The following GPHN variants were observed in gnomAD, a reference collection of about 807,000 sequenced individuals.
The protein encoded by GPHN is gephyrin.
A neutral mutation model predicts 95.5 loss-of-function variants in GPHN; 17 were observed. The ratio of observed to expected loss-of-function variants is 0.18; its 90% confidence interval spans 0.12 to 0.27. The LOEUF (loss-of-function observed/expected upper bound fraction) is 0.27, where lower values mean the gene tolerates loss of function less well. GPHN is among the 10% of genes least tolerant of loss of function. The pLI is 1.00. For synonymous variants in GPHN, 320 were observed against 322.5 expected, an observed-to-expected ratio of 0.99 and a Z score of 0.08; for missense variants, 660 against 978.1, an observed-to-expected ratio of 0.67 and a Z score of 4.34.
At chr14:67,050,841 AGT>A (rs2075273893) in intron 10 of GPHN, among the ~76,000 whole-genome samples, 1 of 146,628 alleles carries the variant, frequency 6.8e-6, no homozygotes, top group African/African-American at 2.5e-5. Flanking sequence ...GGAAAAGCAG[AGT>A]GGAGTGACAG....
At chr14:66,871,668 A>G (rs1467299120) in intron 4 of GPHN, among the ~76,000 whole-genome samples, 3 of 152,148 alleles carry the variant, frequency 2.0e-5, no homozygotes, top group Admixed American at 2.0e-4. Flanking sequence ...GCAAACTAAC[A>G]CAGGAACAGA....
At chr14:66,513,751 C>T (rs1026228339) in intron 1 of GPHN, among the ~76,000 whole-genome samples, 4 of 151,810 alleles carry the variant, frequency 2.6e-5, no homozygotes, top group African/African-American at 7.2e-5. Context: ...TTTGAGTGAC[C>T]TCTCAAAAAG....
At chr14:67,352,420 T>C in the GPHN span, among the ~76,000 whole-genome samples, 1 of 148,786 alleles carries the variant, frequency 6.7e-6, no homozygotes, top group Non-Finnish European at 1.5e-5. Flanking sequence ...GAGTAAGACC[T>C]TGCCTCAAAA....
intron 2 of GPHN, among the ~76,000 whole-genome samples, chr14:66,724,872 A>G (rs1284196554): frequency 2.0e-5 from 3 of 152,174 alleles, no homozygotes; most frequent in African/African-American, 7.2e-5. Context: ...GAACGTAGAG[A>G]AAAAGCTGGG....
chr14:67,408,555 A>G, the GPHN span, among the ~76,000 whole-genome samples: 1 of 152,126 alleles, frequency 6.6e-6, no homozygotes, highest in Non-Finnish European at 1.5e-5. Flanking sequence ...GTGTCCTTAT[A>G]GGAAGAGGAA....
At chr14:66,856,601 A>G (rs1193464913) in intron 4 of GPHN, among the ~76,000 whole-genome samples, 1 of 152,084 alleles carries the variant, frequency 6.6e-6, no homozygotes, top group Non-Finnish European at 1.5e-5. Context: ...GGATGAAGAA[A>G]ACATCTGAAC....
the GPHN span, among the ~76,000 whole-genome samples, chr14:67,299,620 A>G: frequency 5.9e-5 from 9 of 152,344 alleles, no homozygotes; most frequent in East Asian, 1.7e-3. Flanking sequence ...GCAGTAGAAT[A>G]AAAGAATAGC....
intron 8 of GPHN, among the ~76,000 whole-genome samples, chr14:66,944,201 A>T (rs1434184309): frequency 6.6e-6 from 1 of 152,258 alleles, no homozygotes; most frequent in Non-Finnish European, 1.5e-5. Flanking sequence ...CCAAGTGGCC[A>T]ATATTTCTGG....
chr14:67,387,605 A>G, the GPHN span: 1 of 808,288 alleles, frequency 1.2e-6, no homozygotes. Flanking sequence ...GAATCCTATC[A>G]GATGAGGTCC....
the GPHN span, among the ~76,000 whole-genome samples, chr14:67,568,126 A>T: frequency 6.6e-6 from 1 of 152,170 alleles, no homozygotes; most frequent in East Asian, 1.9e-4. Context: ...CAGGGGAAAA[A>T]ACGTGCCCTA....
chr14:67,057,567 G>C (rs995540065), intron 10 of GPHN, among the ~76,000 whole-genome samples: 2 of 152,118 alleles, frequency 1.3e-5, no homozygotes, highest in African/African-American at 2.4e-5. Context: ...TGCACATCCT[G>C]CACATGTATC....
At chr14:67,095,966 C>CA in intron 12 of GPHN, among the ~76,000 whole-genome samples, 1,680 of 66,958 alleles carry the variant, frequency 0.025, 20 homozygotes, top group Non-Finnish European at 0.044. Context: ...AAGAAAAAGG[C>CA]AAAAAAAAAA....
chr14:66,631,446 T>C (rs551509822), intron 1 of GPHN, among the ~76,000 whole-genome samples: 2 of 152,300 alleles, frequency 1.3e-5, no homozygotes, highest in East Asian at 3.9e-4. Context: ...TTCAAGTAAT[T>C]TTTGTTTTTT....
At chr14:66,630,964 C>CT (rs1249818102) in intron 1 of GPHN, among the ~76,000 whole-genome samples, 1 of 151,874 alleles carries the variant, frequency 6.6e-6, no homozygotes, top group Non-Finnish European at 1.5e-5. Context: ...TCTTACTTAA[C>CT]TTTAGTGGAC....
At chr14:66,824,034 T>C (rs946415560) in intron 3 of GPHN, among the ~76,000 whole-genome samples, 1 of 152,176 alleles carries the variant, frequency 6.6e-6, no homozygotes, top group African/African-American at 2.4e-5. Flanking sequence ...TTGTAAATTA[T>C]TTAAGCACAT....
chr14:66,540,993 G>A (rs1275799160), intron 1 of GPHN, among the ~76,000 whole-genome samples: 1 of 151,644 alleles, frequency 6.6e-6, no homozygotes, highest in Non-Finnish European at 1.5e-5. Flanking sequence ...TGTCACCCAG[G>A]GTGGAGTGCA....
chr14:66,539,065 G>T (rs1373702285), intron 1 of GPHN, among the ~76,000 whole-genome samples: 1 of 152,104 alleles, frequency 6.6e-6, no homozygotes, highest in Non-Finnish European at 1.5e-5. Flanking sequence ...TTGAAAGACT[G>T]TCAGATTTCT....
At chr14:66,831,769 A>G (rs538136410) in intron 4 of GPHN, among the ~76,000 whole-genome samples, 5 of 152,254 alleles carry the variant, frequency 3.3e-5, no homozygotes, top group African/African-American at 4.8e-5. Context: ...AAAATAGTCA[A>G]TAATAACAAC....
At chr14:67,567,667 C>G in the GPHN span, among the ~76,000 whole-genome samples, 1 of 152,092 alleles carries the variant, frequency 6.6e-6, no homozygotes, top group East Asian at 1.9e-4. Flanking sequence ...CAGCTCTGCC[C>G]TCTCTCCTCC....
Sources: allele counts gnomAD v4.1 joint callset (sites outside exome capture counted in the v4.1 genomes callset), GRCh38; gene constraint gnomAD v4.1.1; transcripts MANE v1.5; gene names NCBI Gene and HGNC (gene_info 2026-07-23, HGNC 2026-07-21).